CNTNAP2: variants seen among roughly 807,000 people sequenced by gnomAD.
CNTNAP2 encodes the protein contactin-associated protein-like 2.
A neutral mutation model predicts 155.2 loss-of-function variants in CNTNAP2; 98 were observed. That is an observed-to-expected ratio of 0.63 (90% CI 0.54 to 0.75). CNTNAP2 has a LOEUF of 0.75. CNTNAP2 is among the 30% of genes least tolerant of loss of function. The pLI is 0.00. For missense variants in CNTNAP2, 1,727 were observed against 1,688.1 expected, an observed-to-expected ratio of 1.02 and a Z score of -0.40; for synonymous variants, 651 against 631.2, an observed-to-expected ratio of 1.03 and a Z score of -0.47.
chr7:147,081,021 T>C (rs951933973), intron 4 of CNTNAP2: 2 of 152,184 alleles, frequency 1.3e-5, no homozygotes, highest in African/African-American at 4.8e-5. Flanking sequence ...ATAGTGTATA[T>C]TCAACAAAAT....
chr7:146,872,177 T>C (rs1219343363), intron 3 of CNTNAP2, among the ~76,000 whole-genome samples: 1 of 150,630 alleles, frequency 6.6e-6, no homozygotes, highest in Non-Finnish European at 1.5e-5. Context: ...TTTTTTTTTT[T>C]TTTTTTTTTG....
chr7:146,711,551 T>C (rs1171929756), intron 1 of CNTNAP2, among the ~76,000 whole-genome samples: 4 of 149,396 alleles, frequency 2.7e-5, no homozygotes, highest in African/African-American at 9.8e-5. Flanking sequence ...TTGAGTAGAC[T>C]GACCCTAGAA....
rs560152032 is a variant in CNTNAP2 at position 146,176,951 on chromosome 7, G to A, written c.97+59978G>A. On this transcript the variant is annotated intron_variant, in intron 1 of 23. Coordinates refer to ENST00000361727, the MANE Select transcript of CNTNAP2 (RefSeq NM_014141.6). ...AGGGGTCAGGGAAGACAAGCAGCCA[G>A]GAGGCAGTAGGGACAGAATAGTTGC... Among the ~76,000 whole-genome samples the A allele has an allele frequency of 3.9e-5, 6 of 152,288 alleles. No homozygotes were observed. The South Asian group carries it at 1.2e-3, about 32-fold the overall frequency.
chr7:146,475,013 GCACACACACA>G (rs60787049), intron 1 of CNTNAP2, among the ~76,000 whole-genome samples: 199 of 144,382 alleles, frequency 1.4e-3, no homozygotes, highest in Non-Finnish European at 1.7e-3. Flanking sequence ...GCGCGCGCGC[GCACACACACA>G]CACACACACA....
At chr7:146,242,648 AG>A (rs1375394611) in intron 1 of CNTNAP2, among the ~76,000 whole-genome samples, 5 of 152,136 alleles carry the variant, frequency 3.3e-5, no homozygotes, top group Admixed American at 2.6e-4. Flanking sequence ...AAAACTATTC[AG>A]AAACTCTGCA....
At chr7:148,281,549 T>C (rs1796973277) in intron 21 of CNTNAP2, among the ~76,000 whole-genome samples, 1 of 152,212 alleles carries the variant, frequency 6.6e-6, no homozygotes, top group Non-Finnish European at 1.5e-5. Context: ...AAAGAACATA[T>C]AGCGTAGTCT....
chr7:146,812,062 G>T (rs1247499312), intron 2 of CNTNAP2, among the ~76,000 whole-genome samples: 1 of 152,112 alleles, frequency 6.6e-6, no homozygotes, highest in East Asian at 1.9e-4. Flanking sequence ...TTGGTACTGG[G>T]AGAATGGGGT....
chr7:148,171,074 C>T (rs1250818075), intron 17 of CNTNAP2, among the ~76,000 whole-genome samples: 1 of 152,204 alleles, frequency 6.6e-6, no homozygotes, highest in African/African-American at 2.4e-5. Flanking sequence ...AGTTGCCACT[C>T]AGGAACTATG....
chr7:147,636,696 C>T (rs6975461), intron 12 of CNTNAP2, among the ~76,000 whole-genome samples: 20,514 of 152,106 alleles, frequency 0.13, 2,136 homozygotes, highest in African/African-American at 0.29. Flanking sequence ...CATTAACTTT[C>T]GTTAATTCCT....
chr7:146,918,970 A>T (rs2129219367), intron 3 of CNTNAP2, among the ~76,000 whole-genome samples: 1 of 152,192 alleles, frequency 6.6e-6, no homozygotes, highest in South Asian at 2.1e-4. Flanking sequence ...GTTTGATTCC[A>T]TTGCTGAGAC....
intron 11 of CNTNAP2, among the ~76,000 whole-genome samples, chr7:147,507,192 G>A (rs1798921734): frequency 1.3e-5 from 2 of 152,080 alleles, no homozygotes; most frequent in African/African-American, 4.8e-5. Context: ...AGAGCTTCTG[G>A]TACCTAATAT....
intron 21 of CNTNAP2, 145 bp from the exon 22 acceptor site, chr7:148,383,504 C>CT: frequency 8.5e-7 from 1 of 1,174,486 alleles, no homozygotes; most frequent in Non-Finnish European, 1.2e-6. Flanking sequence ...ATCTTATCGA[C>CT]CCATTAATAT....
chr7:147,348,950 G>T (rs1795924959), intron 9 of CNTNAP2, among the ~76,000 whole-genome samples: 1 of 151,936 alleles, frequency 6.6e-6, no homozygotes, highest in African/African-American at 2.4e-5. Context: ...TCTCATAGAA[G>T]TGAAAAGTAA....
At chr7:146,565,625 C>T (rs1244113506) in intron 1 of CNTNAP2, among the ~76,000 whole-genome samples, 7 of 152,152 alleles carry the variant, frequency 4.6e-5, no homozygotes, top group Non-Finnish European at 8.8e-5. Context: ...TGCAGAAAAC[C>T]ACTTGTGTTC....
intron 1 of CNTNAP2, among the ~76,000 whole-genome samples, chr7:146,549,398 G>T (rs1798080947): frequency 6.6e-6 from 1 of 151,856 alleles, no homozygotes. Context: ...ACAAAAATAT[G>T]ATCATATATT....
chr7:146,693,517 C>A (rs892454092), intron 1 of CNTNAP2, among the ~76,000 whole-genome samples: 1 of 151,946 alleles, frequency 6.6e-6, no homozygotes, highest in Non-Finnish European at 1.5e-5. Flanking sequence ...AAGCTAGGCT[C>A]CAGGATACTT....
At chr7:146,215,731 G>T (rs1799102655) in intron 1 of CNTNAP2, among the ~76,000 whole-genome samples, 1 of 152,092 alleles carries the variant, frequency 6.6e-6, no homozygotes, top group African/African-American at 2.4e-5. Context: ...AATAACTGGG[G>T]GAAATGTGTT....
At chr7:147,225,792 AAGGAAG>A (rs1288599946) in intron 8 of CNTNAP2, among the ~76,000 whole-genome samples, 71 of 128,122 alleles carry the variant, frequency 5.5e-4, no homozygotes, top group South Asian at 4.2e-3. Context: ...GGAAGGAAGG[AAGGAAG>A]GAAAGAAAGA....
intron 2 of CNTNAP2, among the ~76,000 whole-genome samples, chr7:146,808,320 G>A (rs1484818656): frequency 1.3e-5 from 2 of 152,160 alleles, no homozygotes; most frequent in Non-Finnish European, 2.9e-5. Context: ...AAGATGCTGT[G>A]CATTGATTGA....
Sources: allele counts gnomAD v4.1 joint callset (sites outside exome capture counted in the v4.1 genomes callset), GRCh38; gene constraint gnomAD v4.1.1; transcripts MANE v1.5; gene names NCBI Gene and HGNC (gene_info 2026-07-23, HGNC 2026-07-21).